The following INPP4B variants were observed in gnomAD, a reference collection of about 807,000 sequenced individuals.
INPP4B encodes inositol polyphosphate 4-phosphatase type II.
Under a neutral mutation model 122.5 loss-of-function variants are expected in INPP4B, and 55 were observed. That is an observed-to-expected ratio of 0.45 (90% CI 0.36 to 0.56). INPP4B has a LOEUF of 0.56. Ranked by LOEUF, INPP4B falls within the 20% of genes least tolerant of loss-of-function variation. The pLI is 0.00. For missense variants in INPP4B, 1,000 were observed against 1,097.7 expected, an observed-to-expected ratio of 0.91 and a Z score of 1.26; for synonymous variants, 403 against 388.7, an observed-to-expected ratio of 1.04 and a Z score of -0.43.
intron 9 of INPP4B, among the ~76,000 whole-genome samples, chr4:142,298,154 A>G (rs1180984056): frequency 3.9e-5 from 6 of 152,208 alleles, no homozygotes; most frequent in Admixed American, 2.6e-4. Flanking sequence ...GAGTTGGACC[A>G]AAGAGCTGCT....
At chr4:142,608,884 TC>T (rs1445271719) in intron 2 of INPP4B, among the ~76,000 whole-genome samples, 1 of 152,148 alleles carries the variant, frequency 6.6e-6, no homozygotes, top group African/African-American at 2.4e-5. Flanking sequence ...TCATGCTTCC[TC>T]AGTGTCTGTT....
intron 7 of INPP4B, among the ~76,000 whole-genome samples, chr4:142,321,577 CT>C (rs1770042598): frequency 6.6e-6 from 1 of 152,116 alleles, no homozygotes; most frequent in East Asian, 1.9e-4. Flanking sequence ...AGATTTAAGT[CT>C]TTGATCCATC....
intron 12 of INPP4B, among the ~76,000 whole-genome samples, chr4:142,231,847 A>C (rs1055301701): frequency 6.6e-6 from 1 of 152,194 alleles, no homozygotes; most frequent in African/African-American, 2.4e-5. Context: ...AAAAAGAGGT[A>C]AAGGGTCAAG....
chr4:142,526,067 TC>T (rs1301414684), intron 2 of INPP4B, among the ~76,000 whole-genome samples: 1 of 152,034 alleles, frequency 6.6e-6, no homozygotes, highest in Non-Finnish European at 1.5e-5. Context: ...CAGTGCTTTA[TC>T]AATAATAAAT....
intron 21 of INPP4B, among the ~76,000 whole-genome samples, chr4:142,120,036 T>A (rs1365909954): frequency 1.3e-5 from 2 of 151,940 alleles, no homozygotes; most frequent in African/African-American, 4.8e-5. Flanking sequence ...TTTTTGTGTA[T>A]GTGTAAATTC....
chr4:142,400,108 A>G (rs1451467618), intron 7 of INPP4B, among the ~76,000 whole-genome samples: 1 of 152,208 alleles, frequency 6.6e-6, no homozygotes, highest in Non-Finnish European at 1.5e-5. Flanking sequence ...AGAAAAGGCC[A>G]TCATTTCTCT....
At chr4:142,155,414 T>C (rs902773797) in intron 17 of INPP4B, among the ~76,000 whole-genome samples, 1 of 152,150 alleles carries the variant, frequency 6.6e-6, no homozygotes, top group Non-Finnish European at 1.5e-5. Flanking sequence ...TATAGATCAC[T>C]ATAGATTTCC....
chr4:142,398,544 C>T (rs1223912530), intron 7 of INPP4B, among the ~76,000 whole-genome samples: 2 of 148,628 alleles, frequency 1.3e-5, no homozygotes, highest in Admixed American at 6.7e-5. Flanking sequence ...AGAAGAAAGC[C>T]AACTATCAGA....
At chr4:142,620,288 TGTG>T (rs1198184358) in intron 2 of INPP4B, among the ~76,000 whole-genome samples, 1 of 151,800 alleles carries the variant, frequency 6.6e-6, no homozygotes. Flanking sequence ...ATAAAGAAAA[TGTG>T]GTACATATAC....
chr4:142,832,208 A>G (rs894837939), intron 1 of INPP4B, among the ~76,000 whole-genome samples: 1 of 152,204 alleles, frequency 6.6e-6, no homozygotes, highest in Non-Finnish European at 1.5e-5. Context: ...CCCGACGCAC[A>G]TAAAATGACC....
intron 5 of INPP4B, chr4:142,427,523 C>T: frequency 1.6e-6 from 1 of 630,294 alleles, no homozygotes; most frequent in Non-Finnish European, 2.8e-6. Context: ...ATTTACTTGG[C>T]TTTCTAAACA....
chr4:142,349,917 C>T (rs1272503779), intron 7 of INPP4B, among the ~76,000 whole-genome samples: 1 of 150,752 alleles, frequency 6.6e-6, no homozygotes, highest in African/African-American at 2.4e-5. Context: ...TCCATCATTA[C>T]TGCCACTATC....
chr4:142,388,915 A>T (rs1018469311), intron 7 of INPP4B, among the ~76,000 whole-genome samples: 5 of 152,216 alleles, frequency 3.3e-5, no homozygotes, highest in Admixed American at 2.0e-4. Flanking sequence ...TATTTTCCTA[A>T]GCCTGTGTTT....
chr4:142,483,462 A>G (rs1820832634), intron 2 of INPP4B, among the ~76,000 whole-genome samples: 1 of 152,016 alleles, frequency 6.6e-6, no homozygotes, highest in African/African-American at 2.4e-5. Context: ...AGGGGCAGTG[A>G]TATCTGATAT....
At chr4:142,796,970 G>A (rs1209705945) in intron 1 of INPP4B, among the ~76,000 whole-genome samples, 4 of 149,910 alleles carry the variant, frequency 2.7e-5, no homozygotes, top group East Asian at 2.0e-4. Flanking sequence ...GATGAATCTA[G>A]TTCCATATTC....
At chr4:142,525,702 C>T (rs1420269136) in intron 2 of INPP4B, among the ~76,000 whole-genome samples, 1 of 124,360 alleles carries the variant, frequency 8.0e-6, no homozygotes, top group Admixed American at 8.7e-5. Flanking sequence ...AAAGCTGAAA[C>T]TGGATCCCTT....
intron 7 of INPP4B, among the ~76,000 whole-genome samples, chr4:142,329,811 G>C (rs950062713): frequency 6.6e-6 from 1 of 152,032 alleles, no homozygotes; most frequent in Admixed American, 6.5e-5. Context: ...TAGTCACAAG[G>C]ACACTTGTGG....
At chr4:142,339,629 T>C (rs1216254183) in intron 7 of INPP4B, among the ~76,000 whole-genome samples, 6 of 152,186 alleles carry the variant, frequency 3.9e-5, no homozygotes, top group Admixed American at 3.3e-4. Flanking sequence ...TTTAGCACCC[T>C]CTTGTTCATT....
chr4:142,495,358 A>ACACGCACACATATACATG (rs1263232288), intron 2 of INPP4B, among the ~76,000 whole-genome samples: 1 of 152,080 alleles, frequency 6.6e-6, no homozygotes, highest in Non-Finnish European at 1.5e-5. Context: ...AAACGCACAC[A>ACACGCACACATATACATG]CACGCACACA....
Sources: allele counts gnomAD v4.1 joint callset (sites outside exome capture counted in the v4.1 genomes callset), GRCh38; gene constraint gnomAD v4.1.1; transcripts MANE v1.5; gene names NCBI Gene and HGNC (gene_info 2026-07-23, HGNC 2026-07-21).